PUDP: variants seen among roughly 807,000 people sequenced by gnomAD.
PUDP encodes pseudouridine-5'-phosphatase.
Under a neutral mutation model 9.4 loss-of-function variants are expected in PUDP, and 8 were observed. That is an observed-to-expected ratio of 0.85 (90% CI 0.50 to 1.53). The LOEUF is 1.53. Ranked by LOEUF, PUDP falls within the 40% of genes most tolerant of loss-of-function variation. The pLI, the probability that PUDP is intolerant of heterozygous loss-of-function variation, is 0.00. For missense variants in PUDP, 188 were observed against 189.7 expected (o/e 0.99, Z 0.05); for synonymous variants, 99 against 80.7 (o/e 1.23, Z -1.22).
intron 3 of PUDP, among the ~76,000 whole-genome samples, chrX:6,961,995 T>C (rs1251495941): frequency 8.9e-6 from 1 of 112,412 alleles, no homozygotes; most frequent in Non-Finnish European, 1.9e-5. Flanking sequence ...TAATAAAACA[T>C]TTTAAGGGTA....
At chrX:6,713,629 A>G (rs1323433988) in intron 1 of PUDP, among the ~76,000 whole-genome samples, 1 of 111,607 alleles carries the variant, frequency 9.0e-6, no homozygotes, top group African/African-American at 3.3e-5. Context: ...ATGTAACCCC[A>G]TCGTAAGTGG....
intron 3 of PUDP, among the ~76,000 whole-genome samples, chrX:6,953,611 T>G (rs778296168): frequency 9.0e-6 from 1 of 111,149 alleles, no homozygotes; most frequent in Non-Finnish European, 1.9e-5. Flanking sequence ...ACTTTTCAAA[T>G]TTGATTCCTG....
intron 1 of PUDP, among the ~76,000 whole-genome samples, chrX:7,013,456 G>A (rs1481982799): frequency 2.7e-5 from 3 of 112,447 alleles, no homozygotes; most frequent in Non-Finnish European, 5.6e-5. Flanking sequence ...TGCAGCAAAG[G>A]TGGTAATTTG....
At chrX:6,825,505 T>C (rs1344375731) in intron 3 of PUDP, among the ~76,000 whole-genome samples, 2 of 111,509 alleles carry the variant, frequency 1.8e-5, no homozygotes, top group African/African-American at 6.5e-5. Flanking sequence ...AACCATGTAT[T>C]CTGCTCCTTG....
At chrX:6,786,306 A>G (rs956367589) in intron 3 of PUDP, among the ~76,000 whole-genome samples, 1 of 111,955 alleles carries the variant, frequency 8.9e-6, no homozygotes, top group Non-Finnish European at 1.9e-5. Flanking sequence ...AAAGAAACCC[A>G]CAGGGTATCT....
chrX:7,112,130 C>A (rs1290021953), intron 1 of PUDP, among the ~76,000 whole-genome samples: 1 of 111,770 alleles, frequency 8.9e-6, no homozygotes, highest in African/African-American at 3.3e-5. Context: ...CCTCTGTTCC[C>A]AATTCCATAA....
At chrX:7,090,856 T>A (rs1931401752) in intron 2 of PUDP, among the ~76,000 whole-genome samples, 1 of 111,762 alleles carries the variant, frequency 8.9e-6, no homozygotes, top group African/African-American at 3.3e-5. Context: ...TCAGACACAA[T>A]CTTGTGCTCC....
Position 7,056,386 on chromosome X carries a change from C to T in PUDP, c.511-5914G>A, listed in dbSNP as rs189045756. On this transcript the variant is annotated intron_variant, in intron 3 of 3. Transcript: ENST00000381077. Reference sequence around the variant, plus strand: ...TGGCGCTGCCACCTGCACATGCTCCCGGCAGGCCTGCGGCCTACCCTGAAA... The same window carrying T: ...TGGCGCTGCCACCTGCACATGCTCCTGGCAGGCCTGCGGCCTACCCTGAAA... 4.6e-4 allele frequency among the ~76,000 whole-genome samples: 52 copies of T among 112,078 alleles called. No individual in the cohort carries two copies. The East Asian group carries it at 0.014, about 31-fold the overall frequency.
At chrX:7,027,497 T>C (rs1274596025) in intron 1 of PUDP, among the ~76,000 whole-genome samples, 2 of 106,706 alleles carry the variant, frequency 1.9e-5, no homozygotes, top group African/African-American at 6.8e-5. Flanking sequence ...TATATACACA[T>C]ATATGAGAAT....
At chrX:7,098,291 C>G (rs1171729026) in intron 2 of PUDP, among the ~76,000 whole-genome samples, 1 of 112,270 alleles carries the variant, frequency 8.9e-6, no homozygotes, top group Non-Finnish European at 1.9e-5. Context: ...ATCAGCAGGT[C>G]TGTCTCTGCA....
chrX:6,875,362 T>A (rs1472534655), intron 3 of PUDP, among the ~76,000 whole-genome samples: 1 of 112,042 alleles, frequency 8.9e-6, no homozygotes, highest in Non-Finnish European at 1.9e-5. Flanking sequence ...AAAGGACTTT[T>A]AAAGAAAAAT....
chrX:6,743,586 A>T (rs1924964899), intron 3 of PUDP, among the ~76,000 whole-genome samples: 2 of 112,102 alleles, frequency 1.8e-5, no homozygotes, highest in Admixed American at 1.9e-4. Context: ...TATTCAATGG[A>T]CATGGGGACA....
chrX:6,813,433 T>G (rs187623352), intron 3 of PUDP, among the ~76,000 whole-genome samples: 19 of 111,250 alleles, frequency 1.7e-4, no homozygotes, highest in Non-Finnish European at 5.7e-5. Context: ...GAAAAACAGT[T>G]TTTCTTTCAA....
chrX:6,926,085 C>T (rs895644311), intron 3 of PUDP, among the ~76,000 whole-genome samples: 1 of 111,613 alleles, frequency 9.0e-6, no homozygotes, highest in Non-Finnish European at 1.9e-5. Flanking sequence ...TGGCCGGGAA[C>T]TCAGTTTTTC....
chrX:6,922,878 T>G (rs1402830965), intron 3 of PUDP, among the ~76,000 whole-genome samples: 1 of 112,215 alleles, frequency 8.9e-6, no homozygotes. Flanking sequence ...CAGAACCCTC[T>G]CTTGAGCCCT....
chrX:7,015,600 G>A (rs1370835303), intron 1 of PUDP, among the ~76,000 whole-genome samples: 2 of 111,219 alleles, frequency 1.8e-5, no homozygotes, highest in Admixed American at 1.9e-4. Context: ...CAAGAGGCAG[G>A]GTCTGATTCT....
intron 3 of PUDP, among the ~76,000 whole-genome samples, chrX:7,076,235 G>A (rs892269965): frequency 8.9e-6 from 1 of 112,223 alleles, no homozygotes; most frequent in Non-Finnish European, 1.9e-5. Flanking sequence ...CCCTGAGCTC[G>A]TGATTGGTGT....
At chrX:7,118,277 G>A (rs1363724768) in intron 1 of PUDP, among the ~76,000 whole-genome samples, 1 of 112,396 alleles carries the variant, frequency 8.9e-6, no homozygotes, top group Non-Finnish European at 1.9e-5. Context: ...AGAACAGTGA[G>A]GCTGAGTGTG....
intron 3 of PUDP, among the ~76,000 whole-genome samples, chrX:6,782,307 C>T (rs11798827): frequency 0.18 from 20,353 of 110,910 alleles, 1,937 homozygotes; most frequent in African/African-American, 0.36. Flanking sequence ...CAGTGGCTCA[C>T]GTCTGTAATC....
Sources: allele counts gnomAD v4.1 joint callset (sites outside exome capture counted in the v4.1 genomes callset), GRCh38; gene constraint gnomAD v4.1.1; transcripts MANE v1.5; gene names NCBI Gene and HGNC (gene_info 2026-07-23, HGNC 2026-07-21).